The following SLC1A2 variants were observed in gnomAD, a reference collection of about 807,000 sequenced individuals.
SLC1A2 encodes the protein excitatory amino acid transporter 2.
SLC1A2 carries 15 observed loss-of-function variants against 48.8 expected under a neutral mutation model. That is an observed-to-expected ratio of 0.31 (90% CI 0.21 to 0.47). SLC1A2 has a LOEUF of 0.47. Among genes scored for constraint, SLC1A2 ranks in the 20% least tolerant of loss-of-function variants. The pLI, the probability that SLC1A2 is intolerant of heterozygous loss-of-function variation, is 0.99. For synonymous variants in SLC1A2, 279 were observed against 272.6 expected (o/e 1.02, Z -0.23); for missense variants, 502 against 730.5 (o/e 0.69, Z 3.61).
Position 35,256,839 on chromosome 11 carries a change from C to T in SLC1A2, c.*4055G>A, listed in dbSNP as rs1258108390. Reference sequence around the variant, plus strand: ...CTTCCACTGGGGTATAACTGCTGTGCACTTTTAGTCATCAAACTAGATGAG... The same window carrying T: ...CTTCCACTGGGGTATAACTGCTGTGTACTTTTAGTCATCAAACTAGATGAG... On this transcript the variant is annotated 3_prime_UTR_variant, in exon 11 of 11. Coordinates refer to ENST00000278379, the MANE Select transcript of SLC1A2 (RefSeq NM_004171.4). The T allele has an allele frequency of 6.6e-6, 1 of 151,918 alleles. No individual in the cohort carries two copies. Among genetic ancestry groups the T allele is most frequent in the Non-Finnish European group, 1.5e-5 (1 of 67,990 alleles). 9.4% of individuals were successfully genotyped at this position (151,918 alleles called of 1,614,324 possible). A position where few individuals can be genotyped will look rare whatever the true frequency, so the allele number is the denominator to read the frequency against.
chr11:35,325,174 A>G (rs1477280300), intron 1 of SLC1A2, among the ~76,000 whole-genome samples: 1 of 152,212 alleles, frequency 6.6e-6, no homozygotes, highest in Non-Finnish European at 1.5e-5. Flanking sequence ...TGAATAAGCC[A>G]GCTTGCCTTG....
In SLC1A2 at chr11:35,341,797, G is replaced by A. The variant is rs185628078; in HGVS notation, c.18-24281C>T. ...TCTGTCTTGAGAAATGTGGATGTAT[G>A]TTCACAAAGATGTCGATTCTTTGCA... On this transcript the variant is annotated intron_variant, in intron 1 of 10. Transcript: ENST00000278379. Among the ~76,000 whole-genome samples the A allele has an allele frequency of 5.4e-3, 821 of 152,326 alleles. 5 individuals are homozygous for A. Among genetic ancestry groups the A allele is most frequent in the African/African-American group, 0.019 (771 of 41,578 alleles).
At chr11:35,383,064 T>A (rs1369372532) in intron 1 of SLC1A2, among the ~76,000 whole-genome samples, 1 of 152,198 alleles carries the variant, frequency 6.6e-6, no homozygotes. Flanking sequence ...ATTTTAGGCA[T>A]GTCCAAGAGT....
At chr11:35,350,245 A>G (rs1400892105) in intron 1 of SLC1A2, among the ~76,000 whole-genome samples, 2 of 152,150 alleles carry the variant, frequency 1.3e-5, no homozygotes, top group Non-Finnish European at 2.9e-5. Flanking sequence ...TCTGCCTTTA[A>G]TTTTCTTTTT....
At chr11:35,388,743 T>C (rs1854661433) in intron 1 of SLC1A2, among the ~76,000 whole-genome samples, 1 of 152,190 alleles carries the variant, frequency 6.6e-6, no homozygotes, top group Non-Finnish European at 1.5e-5. Context: ...ATTGTGAGCA[T>C]GTAGAGCCTA....
intron 1 of SLC1A2, among the ~76,000 whole-genome samples, chr11:35,380,018 C>T (rs1453873446): frequency 6.6e-6 from 1 of 152,212 alleles, no homozygotes; most frequent in Non-Finnish European, 1.5e-5. Flanking sequence ...TAAGCAGACA[C>T]CTGATTGTCC....
In SLC1A2 at chr11:35,361,615, G is replaced by A. The variant is rs143659729; in HGVS notation, c.18-44099C>T. On this transcript the variant is annotated intron_variant, in intron 1 of 10. Coordinates refer to ENST00000278379, the MANE Select transcript of SLC1A2 (RefSeq NM_004171.4). ...TTAGGTTAAGAAGAGGGGACAAATGGGTGAGAACACAGAGGACTCTGAGTC... is the reference window on the plus strand; with the variant it reads ...TTAGGTTAAGAAGAGGGGACAAATGAGTGAGAACACAGAGGACTCTGAGTC... Among the ~76,000 whole-genome samples, 134 of 152,158 alleles carry A rather than the reference G, an allele frequency of 8.8e-4. 1 individual carries two copies. In the Middle Eastern group the frequency reaches 0.017, roughly 19 times the overall value.
chr11:35,256,198 T>C lies in SLC1A2; in HGVS notation c.*4696A>G, dbSNP rs1447330869. On this transcript the variant is annotated 3_prime_UTR_variant, in exon 11 of 11. Coordinates refer to ENST00000278379, the MANE Select transcript of SLC1A2 (RefSeq NM_004171.4). ...CAAATGTTCCCTCTACCAAACCATG[T>C]TGTTTCTTATCATCTCTATGTCATT... 2.6e-5 allele frequency: 4 copies of C among 152,202 alleles called. No homozygotes were observed. The highest frequency in any genetic ancestry group is 1.3e-4 in the Admixed American group (2 of 15,284). The allele number at this position is 152,202 out of a possible 1,614,324, so 9.4% of individuals were successfully genotyped here.
intron 9 of SLC1A2, among the ~76,000 whole-genome samples, chr11:35,273,086 T>C (rs929526049): frequency 6.6e-6 from 1 of 152,176 alleles, no homozygotes; most frequent in African/African-American, 2.4e-5. Context: ...CCATATGAAA[T>C]TGCCATTTAT....
At chr11:35,261,065 T>G (rs1950387543) in intron 10 of SLC1A2, 100 bp from the exon 11 acceptor site, 5 of 821,030 alleles carry the variant, frequency 6.1e-6, no homozygotes, top group Non-Finnish European at 8.5e-6. Context: ...TTATACTACA[T>G]GACTGAAATA....
chr11:35,282,490 C>G (rs1850672964), intron 8 of SLC1A2, among the ~76,000 whole-genome samples: 1 of 152,124 alleles, frequency 6.6e-6, no homozygotes, highest in Non-Finnish European at 1.5e-5. Flanking sequence ...AGAGGCTGGG[C>G]ACATTGCAAC....
At chr11:35,329,351 T>C (rs183415768) in intron 1 of SLC1A2, among the ~76,000 whole-genome samples, 26 of 152,316 alleles carry the variant, frequency 1.7e-4, no homozygotes, top group African/African-American at 6.3e-4. Flanking sequence ...AACCCTAATG[T>C]AAACTAAGCA....
intron 1 of SLC1A2, among the ~76,000 whole-genome samples, chr11:35,406,410 G>A (rs1174372311): frequency 6.6e-6 from 1 of 152,108 alleles, no homozygotes; most frequent in Non-Finnish European, 1.5e-5. Context: ...GTAGGACTAG[G>A]AAAGAGAGAC....
chr11:35,302,285 G>A (rs1851378409), intron 5 of SLC1A2, among the ~76,000 whole-genome samples: 1 of 152,076 alleles, frequency 6.6e-6, no homozygotes, highest in African/African-American at 2.4e-5. Context: ...AATGTAATCT[G>A]TTATTTATGA....
At chr11:35,357,349 C>T (rs904300422) in intron 1 of SLC1A2, among the ~76,000 whole-genome samples, 1 of 151,708 alleles carries the variant, frequency 6.6e-6, no homozygotes, top group Non-Finnish European at 1.5e-5. Context: ...AAATCAATGA[C>T]TTAAATTAGA....
Position 35,278,273 on chromosome 11 carries a change from G to GT in SLC1A2, c.1421+2593dup, listed in dbSNP as rs35889672. On this transcript the variant is annotated intron_variant, in intron 9 of 10. Transcript: ENST00000278379. ...CCACTTCTTACTTCTGTTTTTTTTT[G>GT]TTTTTTTTTTTTTTTTTTTTAGATG... Among the ~76,000 whole-genome samples, 269 of 88,636 alleles carry GT rather than the reference G, an allele frequency of 3.0e-3. 2 individuals are homozygous for GT. Among genetic ancestry groups the GT allele is most frequent in the African/African-American group, 6.4e-3 (151 of 23,732 alleles). The allele number at this position is 88,636 out of a possible 152,430, so 58.1% of individuals were successfully genotyped here.
rs1950309484 is a variant in SLC1A2, at chr11:35,255,917, G to T, written c.*4977C>A. The T allele has an allele frequency of 6.6e-6, 1 of 152,172 alleles. No homozygotes were observed. Among genetic ancestry groups the T allele is most frequent in the Non-Finnish European group, 1.5e-5 (1 of 68,018 alleles). 9.4% of individuals were successfully genotyped at this position (152,172 alleles called of 1,614,324 possible). ...GGCTTGAATTTAATTTCTCCCAAAG[G>T]AGATGAGAAAAATCTAAATTGATTA... On this transcript the variant is annotated 3_prime_UTR_variant, in exon 11 of 11. Coordinates refer to ENST00000278379, the MANE Select transcript of SLC1A2 (RefSeq NM_004171.4).
intron 1 of SLC1A2, among the ~76,000 whole-genome samples, chr11:35,346,944 A>G (rs1853059647): frequency 6.6e-6 from 1 of 152,218 alleles, no homozygotes. Flanking sequence ...TGGGACTGGA[A>G]AGGGGACTGG....
chr11:35,311,875 AGAGAGAGAGAGAGAGAGGGAGG>A (rs1851699927), intron 4 of SLC1A2, among the ~76,000 whole-genome samples: 1 of 60,294 alleles, frequency 1.7e-5, no homozygotes, highest in Non-Finnish European at 3.6e-5. Flanking sequence ...ATATAAGGAG[AGAGAGAGAGAGAGAGAGGGAGG>A]GAGAGAGAGA....
Sources: gnomAD v4.1 joint callset for allele counts (sites outside exome capture counted in the v4.1 genomes callset) on GRCh38, gnomAD v4.1.1 for gene constraint, MANE v1.5 for transcripts, NCBI Gene and HGNC (gene_info 2026-07-23, HGNC 2026-07-21) for gene names.